The following DPP6 variants were observed in gnomAD, a reference collection of about 807,000 sequenced individuals.
DPP6 encodes A-type potassium channel modulatory protein DPP6.
In DPP6, 69 loss-of-function variants were observed where a neutral mutation model predicts 122.6. That is an observed-to-expected ratio of 0.56 (90% CI 0.46 to 0.69). The LOEUF (loss-of-function observed/expected upper bound fraction) is 0.69, where lower values mean the gene tolerates loss of function less well. Ranked by LOEUF, DPP6 falls within the 30% of genes least tolerant of loss-of-function variation. The pLI is 0.00. For synonymous variants in DPP6, 418 were observed against 433.1 expected, an observed-to-expected ratio of 0.97 and a Z score of 0.43; for missense variants, 928 against 1,116.9, an observed-to-expected ratio of 0.83 and a Z score of 2.41.
chr7:154,354,403 A>T (rs1811111025), intron 1 of DPP6, among the ~76,000 whole-genome samples: 1 of 152,198 alleles, frequency 6.6e-6, no homozygotes, highest in Non-Finnish European at 1.5e-5. Context: ...TTGATGAGAT[A>T]TTAGGGACTG....
chr7:154,586,370 C>T (rs558067423), intron 5 of DPP6, among the ~76,000 whole-genome samples: 3 of 152,340 alleles, frequency 2.0e-5, no homozygotes, highest in African/African-American at 7.2e-5. Context: ...CTCCCATCGC[C>T]TGCCCTTATG....
chr7:153,857,074 A>G, the DPP6 span, among the ~76,000 whole-genome samples: 1 of 151,654 alleles, frequency 6.6e-6, no homozygotes. Context: ...ATGATCATCA[A>G]TATGAAAGTA....
At chr7:154,444,684 T>G (rs550303492) in intron 1 of DPP6, among the ~76,000 whole-genome samples, 1 of 152,212 alleles carries the variant, frequency 6.6e-6, no homozygotes, top group South Asian at 2.1e-4. Context: ...CACTGAAAGA[T>G]TCCTGCTAGT....
At chr7:154,738,674 G>A (rs1415370674) in intron 8 of DPP6, among the ~76,000 whole-genome samples, 1 of 152,218 alleles carries the variant, frequency 6.6e-6, no homozygotes, top group African/African-American at 2.4e-5. Flanking sequence ...GCAGCTAGGG[G>A]TCCTGCTTAG....
intron 1 of DPP6, among the ~76,000 whole-genome samples, chr7:154,024,200 G>A (rs1787023456): frequency 6.6e-6 from 1 of 152,198 alleles, no homozygotes; most frequent in Non-Finnish European, 1.5e-5. Flanking sequence ...CTGGCAAATA[G>A]TTCAGCTATC....
At chr7:154,375,838 C>G (rs1813081508) in intron 1 of DPP6, among the ~76,000 whole-genome samples, 1 of 152,206 alleles carries the variant, frequency 6.6e-6, no homozygotes, top group African/African-American at 2.4e-5. Context: ...AGACCTTTCT[C>G]TATGACGCCC....
At chr7:153,830,296 G>T in the DPP6 span, among the ~76,000 whole-genome samples, 1 of 152,186 alleles carries the variant, frequency 6.6e-6, no homozygotes, top group East Asian at 1.9e-4. Flanking sequence ...TCTGAGATGA[G>T]CTTGGAAGGG....
chr7:153,748,864 C>T, the DPP6 span, among the ~76,000 whole-genome samples: 2 of 145,572 alleles, frequency 1.4e-5, no homozygotes, highest in Admixed American at 7.0e-5. Context: ...GCGTCTCCCC[C>T]GAGGCGCGCA....
chr7:154,658,515 C>A (rs1448789415), intron 6 of DPP6, among the ~76,000 whole-genome samples: 1 of 152,106 alleles, frequency 6.6e-6, no homozygotes, highest in African/African-American at 2.4e-5. Flanking sequence ...GAGGGAGGAG[C>A]ACCAGGTACT....
In DPP6 at chr7:154,343,606, AG is replaced by A. The variant is rs369822286; in HGVS notation, c.244-102607del. On this transcript the variant is annotated intron_variant, in intron 1 of 25. Coordinates refer to ENST00000377770, the MANE Select transcript of DPP6 (RefSeq NM_130797.4). ...GTTTTAGTTTTTGTTTTTGAAACAG[AG>A]TCTTTCTCTGTCACCCTGGCTGGAG... 5.2e-3 allele frequency among the ~76,000 whole-genome samples: 791 copies of A among 152,294 alleles called. 8 individuals carry two copies. The highest frequency in any genetic ancestry group is 0.018 in the African/African-American group (745 of 41,562).
chr7:154,287,493 G>A (rs1471004120), intron 1 of DPP6, among the ~76,000 whole-genome samples: 2 of 152,182 alleles, frequency 1.3e-5, no homozygotes, highest in Non-Finnish European at 2.9e-5. Context: ...TATGCTGCTG[G>A]ACAGATCCCA....
intron 1 of DPP6, among the ~76,000 whole-genome samples, chr7:154,425,932 T>G (rs1248394209): frequency 6.6e-6 from 1 of 152,158 alleles, no homozygotes. Context: ...TGTGAGCCAC[T>G]GTGCCTAGCC....
At chr7:153,948,531 G>A (rs1052019584) in intron 1 of DPP6, among the ~76,000 whole-genome samples, 6 of 151,890 alleles carry the variant, frequency 4.0e-5, no homozygotes, top group African/African-American at 1.2e-4. Context: ...TCCAGGCTCC[G>A]ACCAAAACAC....
intron 1 of DPP6, among the ~76,000 whole-genome samples, chr7:153,950,115 C>T (rs1263782795): frequency 6.6e-6 from 1 of 152,162 alleles, no homozygotes. Context: ...TTAGGCTCAG[C>T]CTCAGGTGGA....
Position 154,436,837 on chromosome 7 carries a change from A to C in DPP6, c.244-9377A>C, listed in dbSNP as rs564993538. Reference sequence around the variant, plus strand: ...GGAAATGTCTTTCTGGCTTGTCTTCATGAACTTACGTGTGAACCACTCACT... The same window carrying C: ...GGAAATGTCTTTCTGGCTTGTCTTCCTGAACTTACGTGTGAACCACTCACT... On this transcript the variant is annotated intron_variant, in intron 1 of 25. Coordinates refer to ENST00000377770, the MANE Select transcript of DPP6 (RefSeq NM_130797.4). Among the ~76,000 whole-genome samples, 283 of 152,290 alleles carry C rather than the reference A, an allele frequency of 1.9e-3. 2 individuals carry two copies. The highest frequency in any genetic ancestry group is 6.6e-3 in the African/African-American group (274 of 41,558).
chr7:154,440,550 T>A (rs1266880014), intron 1 of DPP6, among the ~76,000 whole-genome samples: 2 of 152,174 alleles, frequency 1.3e-5, no homozygotes, highest in Non-Finnish European at 2.9e-5. Flanking sequence ...AGCTGCTGAT[T>A]TATATGTATC....
chr7:154,658,852 C>T (rs1269806551), intron 6 of DPP6, among the ~76,000 whole-genome samples: 45 of 152,166 alleles, frequency 3.0e-4, no homozygotes, highest in Non-Finnish European at 4.4e-5. Flanking sequence ...AGGTTGGAGA[C>T]ATTGCATTTG....
At chr7:153,917,579 C>T (rs754959790) in intron 1 of DPP6, among the ~76,000 whole-genome samples, 28 of 152,230 alleles carry the variant, frequency 1.8e-4, no homozygotes, top group Non-Finnish European at 2.6e-4. Flanking sequence ...CTCTTACAGA[C>T]GCTAAGATTC....
upstream of DPP6, among the ~76,000 whole-genome samples, chr7:154,051,297 A>G (rs2533735): frequency 0.41 from 33,443 of 80,742 alleles, 9,293 homozygotes; most frequent in African/African-American, 0.54. Context: ...GCCCACGTTC[A>G]CTCTCTGGAT....
Sources: gnomAD v4.1 joint callset for allele counts (sites outside exome capture counted in the v4.1 genomes callset) on GRCh38, gnomAD v4.1.1 for gene constraint, MANE v1.5 for transcripts, NCBI Gene and HGNC (gene_info 2026-07-23, HGNC 2026-07-21) for gene names.